The following ZNF324B variants were observed in gnomAD, a reference collection of about 807,000 sequenced individuals.
ZNF324B encodes the protein zinc finger protein 324B.
ZNF324B carries 7 observed loss-of-function variants against 10.6 expected under a neutral mutation model. That is an observed-to-expected ratio of 0.66 (90% CI 0.38 to 1.24). The LOEUF (loss-of-function observed/expected upper bound fraction) is 1.24. Among genes scored for constraint, ZNF324B ranks in the 50% most tolerant of loss-of-function variants. The pLI, the probability that ZNF324B is intolerant of heterozygous loss-of-function variation, is 0.02. For missense variants in ZNF324B, 640 were observed against 764.7 expected, an observed-to-expected ratio of 0.84 and a Z score of 1.92; for synonymous variants, 316 against 321.0, an observed-to-expected ratio of 0.98 and a Z score of 0.17.
chr19:58,456,102 G>T lies in ZNF324B; in HGVS notation c.1158G>T (p.Gln386His). 1 of 1,613,004 alleles carries T rather than the reference G, an allele frequency of 6.2e-7. No individual in the cohort carries two copies. The highest frequency in any genetic ancestry group is 8.5e-7 in the Non-Finnish European group (1 of 1,179,930). ...TCTGCCGCAACTCGCACCTGATCCA[G>T]CACGAGCGTACGCACACAGGCGAGA... ...RRFCRNSHLI[Q>H]HERTHTGEKP... The change falls in exon 4 of 4, where the codon CAG (glutamine) becomes CAT (histidine). Residue 386 changes from glutamine (Q) to histidine (H), a missense_variant. Physicochemically the swap from Gln to His is conservative, Grantham distance 24. Around this residue, in one of 3 missense-constraint regions of ZNF324B, gnomAD observed 238 missense variants for 258.0 expected, o/e 0.92. Transcript: ENST00000336614. The surrounding 1 kb of genome is among the most constrained non-coding windows in gnomAD (Gnocchi z 4.7).
At chr19:58,431,798 T>G in the ZNF324B span, among the ~76,000 whole-genome samples, 1 of 152,170 alleles carries the variant, frequency 6.6e-6, no homozygotes, top group Non-Finnish European at 1.5e-5. Flanking sequence ...GAGACCATCC[T>G]GGCTAACATG....
the ZNF324B span, among the ~76,000 whole-genome samples, chr19:58,438,773 A>AT: frequency 0.014 from 1,489 of 106,276 alleles, 6 homozygotes; most frequent in Middle Eastern, 0.02. Flanking sequence ...ACGCCCGGCA[A>AT]TTTTTTTTTT....
chr19:58,422,950 A>G, the ZNF324B span, among the ~76,000 whole-genome samples: 1 of 151,912 alleles, frequency 6.6e-6, no homozygotes, highest in South Asian at 2.1e-4. Flanking sequence ...GCTCACTACA[A>G]GCTCCGCCTC....
At chr19:58,444,101 G>A in the ZNF324B span, 1 of 152,218 alleles carries the variant, frequency 6.6e-6, no homozygotes, top group Non-Finnish European at 1.5e-5. Flanking sequence ...GGCTCACCTG[G>A]TACCTGAGTT....
At chr19:58,437,165 T>A in the ZNF324B span, 1 of 1,613,520 alleles carries the variant, frequency 6.2e-7, no homozygotes, top group Non-Finnish European at 8.5e-7. Flanking sequence ...CTTCAAAGGT[T>A]ACCATGCTCT....
At chr19:58,449,276 C>G (rs1035754335), upstream of ZNF324B, among the ~76,000 whole-genome samples, 2 of 152,192 alleles carry the variant, frequency 1.3e-5, no homozygotes, top group African/African-American at 4.8e-5. Flanking sequence ...ATGGAAATGC[C>G]CAGATTTGGA....
At chr19:58,434,788 G>A in the ZNF324B span, 2 of 1,614,212 alleles carry the variant, frequency 1.2e-6, no homozygotes, top group Non-Finnish European at 1.7e-6. Context: ...ATTGGAATAT[G>A]GCTTCTGCCC....
chr19:58,449,906 C>T (rs183312534), upstream of ZNF324B, among the ~76,000 whole-genome samples: 1 of 152,062 alleles, frequency 6.6e-6, no homozygotes, highest in Admixed American at 6.6e-5. Context: ...TGGGAAGGCA[C>T]GATTGGTTCT....
chr19:58,423,211 G>A, the ZNF324B span, among the ~76,000 whole-genome samples: 1 of 152,108 alleles, frequency 6.6e-6, no homozygotes, highest in Non-Finnish European at 1.5e-5. Flanking sequence ...CCAGGCTGGA[G>A]TGCAGTGGCG....
In ZNF324B at chr19:58,454,271, TG is replaced by T. The variant is rs780361204; in HGVS notation, c.167del (p.Gly56AlafsTer12). The T allele has an allele frequency of 1.2e-6, 2 of 1,613,976 alleles. No homozygotes were observed. Among genetic ancestry groups the T allele is most frequent in the East Asian group, 4.5e-5 (2 of 44,882 alleles). ...RPRVVIQLER[G>X]EEPWVPSGKD... ...CTCGTGTGGTCATTCAACTTGAGCG[TG>T]GCGAGGAGCCCTGGGTTCCCAGTGG... On this transcript the variant is annotated frameshift_variant, in exon 3 of 4. Coordinates refer to ENST00000336614, the MANE Select transcript of ZNF324B (RefSeq NM_207395.3). LOFTEE classifies it high-confidence loss of function.
chr19:58,432,169 C>T, the ZNF324B span: 1 of 381,762 alleles, frequency 2.6e-6, no homozygotes, highest in Non-Finnish European at 5.2e-6. Context: ...CCTGGCCAGA[C>T]TGCAAAAACC....
chr19:58,451,350 G>A (rs2052854114), upstream of ZNF324B, among the ~76,000 whole-genome samples: 1 of 152,220 alleles, frequency 6.6e-6, no homozygotes, highest in African/African-American at 2.4e-5. Context: ...GCTTAGGTGG[G>A]TGCCAGGAAC....
intron 1 of ZNF324B, chr19:58,453,111 AAAT>A (rs2052877821): frequency 6.6e-6 from 1 of 150,774 alleles, no homozygotes; most frequent in African/African-American, 2.5e-5. Context: ...ATAAATAAAT[AAAT>A]AAATAAATAA....
chr19:58,455,425 C>T lies in ZNF324B; in HGVS notation c.481C>T (p.Arg161Ter), dbSNP rs1395708045. ...SRSDQASISLRLTSPLRPPKS... is the reference protein window; with the variant it reads ...SRSDQASISL ...CAGTGACCAGGCCAGCATCAGCCTGCGACTGACCTCCCCACTCAGGCCCCC... is the reference window on the plus strand; with the variant it reads ...CAGTGACCAGGCCAGCATCAGCCTGTGACTGACCTCCCCACTCAGGCCCCC... Residue 161 changes from arginine to a stop codon, truncating the protein, a stop_gained, in exon 4 of 4, where the codon CGA becomes TGA. Transcript: ENST00000336614. LOFTEE classifies it low-confidence loss of function (END_TRUNC). The surrounding 1 kb of genome is among the most constrained non-coding windows in gnomAD (Gnocchi z 7.0). 11 of 1,614,192 alleles carry T rather than the reference C, an allele frequency of 6.8e-6. No homozygotes were observed. Among genetic ancestry groups the T allele is most frequent in the Non-Finnish European group, 8.5e-6 (10 of 1,180,014 alleles).
chr19:58,453,948 G>T, intron 2 of ZNF324B, 126 bp downstream of exon 2: 10 of 1,407,748 alleles, frequency 7.1e-6, no homozygotes, highest in Non-Finnish European at 8.5e-6. Flanking sequence ...GTCTGGTCCT[G>T]TAGACACAAA....
chr19:58,453,104 A>AATAC (rs1424390818), intron 1 of ZNF324B: 1 of 151,854 alleles, frequency 6.6e-6, no homozygotes, highest in Admixed American at 6.6e-5. Flanking sequence ...TAAATAAATA[A>AATAC]ATAAATAAAT....
the ZNF324B span, among the ~76,000 whole-genome samples, chr19:58,432,137 G>T: frequency 6.6e-6 from 1 of 152,196 alleles, no homozygotes; most frequent in Admixed American, 6.5e-5. Flanking sequence ...AAGGCATGAA[G>T]TGTGTGTTAG....
the ZNF324B span, among the ~76,000 whole-genome samples, chr19:58,423,763 A>AT: frequency 6.6e-6 from 1 of 152,074 alleles, no homozygotes; most frequent in East Asian, 1.9e-4. Context: ...ATAAATCCAG[A>AT]TATTTACAGC....
chr19:58,442,251 C>G, the ZNF324B span: 2 of 147,034 alleles, frequency 1.4e-5, no homozygotes, highest in Non-Finnish European at 3.0e-5. Context: ...TCACTGCAAG[C>G]TCCGCTTCCC....
Sources: allele counts gnomAD v4.1 joint callset (sites outside exome capture counted in the v4.1 genomes callset), GRCh38; gene constraint gnomAD v4.1.1; regional missense constraint gnomAD v4.1.1; non-coding constraint Gnocchi (gnomAD v3.1); transcripts MANE v1.5; gene names NCBI Gene and HGNC (gene_info 2026-07-23, HGNC 2026-07-21).